Variants in KCNJ6 observed in about 807,000 individuals in gnomAD.
KCNJ6 encodes the protein potassium inwardly rectifying channel subfamily J member 6, also known as G protein-activated inward rectifier potassium channel 2.
Under a neutral mutation model 34.2 loss-of-function variants are expected in KCNJ6, and 9 were observed. That is an observed-to-expected ratio of 0.26 (90% CI 0.16 to 0.46). The LOEUF is 0.46. KCNJ6 is among the 20% of genes least tolerant of loss of function. The pLI, the probability that KCNJ6 is intolerant of heterozygous loss-of-function variation, is 1.00. For synonymous variants in KCNJ6, 196 were observed against 207.1 expected (o/e 0.95, Z 0.46); for missense variants, 236 against 531.3 (o/e 0.44, Z 5.46).
At chr21:37,846,019 GATGCTGAAA>G (rs2055505200) in intron 1 of KCNJ6, among the ~76,000 whole-genome samples, 1 of 152,026 alleles carries the variant, frequency 6.6e-6, no homozygotes, top group Non-Finnish European at 1.5e-5. Context: ...CATGTTCACA[GATGCTGAAA>G]AAAAAACAAC....
In KCNJ6 at chr21:37,679,754, C is replaced by T. The variant is rs572226298; in HGVS notation, c.946+34457G>A. Among the ~76,000 whole-genome samples the T allele has an allele frequency of 2.0e-5, 3 of 152,292 alleles. No homozygotes were observed. In the South Asian group the frequency reaches 6.2e-4, roughly 32 times the overall value. ...GGGGCCTTCTGTATGGTAGGGATTA[C>T]ACTCAGCCTGGCACTCTGTTTATCT... On this transcript the variant is annotated intron_variant, in intron 3 of 3. Transcript: ENST00000609713.
At chr21:37,733,548 G>A (rs1158544335) in intron 2 of KCNJ6, among the ~76,000 whole-genome samples, 1 of 152,154 alleles carries the variant, frequency 6.6e-6, no homozygotes, top group East Asian at 1.9e-4. Context: ...TTCTTCTAGG[G>A]ACTGTTGGTC....
intron 2 of KCNJ6, among the ~76,000 whole-genome samples, chr21:37,744,789 C>T (rs1316931418): frequency 2.6e-5 from 4 of 152,136 alleles, no homozygotes; most frequent in Non-Finnish European, 5.9e-5. Flanking sequence ...GTAAGGATTT[C>T]ACTGAGTTGC....
chr21:37,630,304 G>A (rs1395810980), intron 3 of KCNJ6, among the ~76,000 whole-genome samples: 2 of 152,192 alleles, frequency 1.3e-5, no homozygotes, highest in Admixed American at 1.3e-4. Context: ...CTTTGAGCAT[G>A]CAGTCATAGG....
intron 3 of KCNJ6, among the ~76,000 whole-genome samples, chr21:37,707,735 G>GTGTGTGTGTGTGTGT (rs1267356647): frequency 2.7e-5 from 4 of 149,680 alleles, no homozygotes; most frequent in African/African-American, 7.5e-5. Context: ...GTGTGTGTGT[G>GTGTGTGTGTGTGTGT]AATAATTTAC....
chr21:37,733,344 T>G (rs1275095633), intron 2 of KCNJ6, among the ~76,000 whole-genome samples: 1 of 152,220 alleles, frequency 6.6e-6, no homozygotes, highest in African/African-American at 2.4e-5. Context: ...GGGGGTCTTT[T>G]GAAGAGGAGT....
intron 1 of KCNJ6, among the ~76,000 whole-genome samples, chr21:37,869,083 A>G (rs765049862): frequency 2.6e-5 from 4 of 152,230 alleles, no homozygotes; most frequent in Non-Finnish European, 5.9e-5. Flanking sequence ...TAGGCAGTGA[A>G]TTCTTTAGGG....
At chr21:37,815,536 G>A (rs1346008502) in intron 2 of KCNJ6, among the ~76,000 whole-genome samples, 2 of 152,186 alleles carry the variant, frequency 1.3e-5, no homozygotes, top group East Asian at 1.9e-4. Context: ...CAAGTGACTC[G>A]GGGCAGGTAG....
At chr21:37,681,247 G>T (rs2054589368) in intron 3 of KCNJ6, among the ~76,000 whole-genome samples, 2 of 152,276 alleles carry the variant, frequency 1.3e-5, no homozygotes, top group East Asian at 1.9e-4. Flanking sequence ...CAGGGGCTGA[G>T]AATTCTTGTG....
At position 37,725,505 on chromosome 21, in the gene KCNJ6, C is replaced by T. The variant is rs186500769; in HGVS notation, c.26-10374G>A. Among the ~76,000 whole-genome samples, 150 of 152,210 alleles carry T rather than the reference C, an allele frequency of 9.9e-4. 2 individuals carry two copies. Among genetic ancestry groups the T allele is most frequent in the African/African-American group, 3.5e-3 (146 of 41,538 alleles). On this transcript the variant is annotated intron_variant, in intron 2 of 3. Coordinates refer to ENST00000609713, the MANE Select transcript of KCNJ6 (RefSeq NM_002240.5). Reference sequence around the variant, plus strand: ...GATTCGCAAAATTTTAAATAAATGACAAATGAGTATGTGAAAGGTGTGTGT... The same window carrying T: ...GATTCGCAAAATTTTAAATAAATGATAAATGAGTATGTGAAAGGTGTGTGT...
At position 37,625,492 on chromosome 21, in the gene KCNJ6, G is replaced by A; in HGVS notation, c.947-8C>T. The A allele has an allele frequency of 6.2e-7, 1 of 1,601,478 alleles. No individual in the cohort carries two copies. Among genetic ancestry groups the A allele is most frequent in the Non-Finnish European group, 8.5e-7 (1 of 1,171,168 alleles). ...GAGCTTGGCATGTCATCCCTGCAGAGAGAAGAATGGAGGCTTTAGCATATG... is the reference window on the plus strand; with the variant it reads ...GAGCTTGGCATGTCATCCCTGCAGAAAGAAGAATGGAGGCTTTAGCATATG... On this transcript the variant is annotated splice_polypyrimidine_tract_variant and splice_region_variant and intron_variant, in intron 3 of 3. Transcript: ENST00000609713.
chr21:37,894,583 GA>G (rs2055778667), intron 1 of KCNJ6, among the ~76,000 whole-genome samples: 1 of 152,118 alleles, frequency 6.6e-6, no homozygotes, highest in South Asian at 2.1e-4. Context: ...AGAACTGCTT[GA>G]ACCCGGGAGG....
chr21:37,639,396 T>A lies in KCNJ6; in HGVS notation c.947-13912A>T, dbSNP rs1442443839. ...TAAATCCTAGAATATTCCCACGAGG[T>A]TGTACAATCAAAACACTGTGTTCAA... On this transcript the variant is annotated intron_variant, in intron 3 of 3. Coordinates refer to ENST00000609713, the MANE Select transcript of KCNJ6 (RefSeq NM_002240.5). 2.0e-5 allele frequency among the ~76,000 whole-genome samples: 3 copies of A among 152,190 alleles called. No individual in the cohort carries two copies. In the East Asian group the frequency reaches 5.8e-4, roughly 29 times the overall value.
intron 2 of KCNJ6, among the ~76,000 whole-genome samples, chr21:37,770,987 A>C (rs1389725943): frequency 6.6e-6 from 1 of 152,144 alleles, no homozygotes; most frequent in East Asian, 1.9e-4. Context: ...TCAACTAAGG[A>C]CTTTGCGTCG....
chr21:37,868,587 G>A (rs1056014106), intron 1 of KCNJ6, among the ~76,000 whole-genome samples: 4 of 152,228 alleles, frequency 2.6e-5, no homozygotes, highest in South Asian at 2.1e-4. Flanking sequence ...AATATAAATC[G>A]AACTTGAAAG....
chr21:37,745,252 A>G, intron 2 of KCNJ6, among the ~76,000 whole-genome samples: 1 of 151,882 alleles, frequency 6.6e-6, no homozygotes, highest in Middle Eastern at 3.2e-3. Context: ...GCACCACCAT[A>G]GTCAGCTAGT....
intron 3 of KCNJ6, among the ~76,000 whole-genome samples, chr21:37,676,514 G>GCACCCCA (rs2054565487): frequency 6.6e-6 from 1 of 152,240 alleles, no homozygotes; most frequent in Non-Finnish European, 1.5e-5. Flanking sequence ...GCCTGTGGGT[G>GCACCCCA]GGCGTATGAG....
intron 2 of KCNJ6, among the ~76,000 whole-genome samples, chr21:37,739,028 C>T (rs2054926485): frequency 6.6e-6 from 1 of 152,182 alleles, no homozygotes; most frequent in Non-Finnish European, 1.5e-5. Context: ...CAGACCTGTG[C>T]TGGCCAATAC....
At chr21:37,722,072 T>A (rs2054829697) in intron 2 of KCNJ6, among the ~76,000 whole-genome samples, 1 of 152,178 alleles carries the variant, frequency 6.6e-6, no homozygotes, top group South Asian at 2.1e-4. Flanking sequence ...AAAAGGCTCC[T>A]GGAACTGATA....
Sources: gnomAD v4.1 joint callset for allele counts (sites outside exome capture counted in the v4.1 genomes callset) on GRCh38, gnomAD v4.1.1 for gene constraint, MANE v1.5 for transcripts, NCBI Gene and HGNC (gene_info 2026-07-23, HGNC 2026-07-21) for gene names.